The following EYS variants were observed in gnomAD, a reference collection of about 807,000 sequenced individuals.
EYS encodes protein eyes shut homolog.
A neutral mutation model predicts 282.1 loss-of-function variants in EYS; 250 were observed. That is an observed-to-expected ratio of 0.89 (90% CI 0.80 to 0.98). EYS has a LOEUF of 0.98. Ranked by LOEUF, EYS falls within the 50% of genes least tolerant of loss-of-function variation. EYS has a pLI of 0.00. For missense variants in EYS, 4,016 were observed against 3,709.0 expected (o/e 1.08, Z -2.15); for synonymous variants, 1,355 against 1,282.9 (o/e 1.06, Z -1.20).
At chr6:63,909,305 G>A (rs1297715079) in intron 35 of EYS, among the ~76,000 whole-genome samples, 4 of 152,032 alleles carry the variant, frequency 2.6e-5, no homozygotes, top group African/African-American at 4.8e-5. Flanking sequence ...TCTTCCAATT[G>A]ATCAATCTAT....
intron 32 of EYS, among the ~76,000 whole-genome samples, chr6:64,069,145 A>G (rs1480974541): frequency 6.6e-6 from 1 of 152,088 alleles, no homozygotes; most frequent in Non-Finnish European, 1.5e-5. Flanking sequence ...TGACAGCTTG[A>G]CTTTAGCCCC....
chr6:65,431,766 A>G (rs1159992307), intron 5 of EYS, among the ~76,000 whole-genome samples: 1 of 152,144 alleles, frequency 6.6e-6, no homozygotes, highest in African/African-American at 2.4e-5. Flanking sequence ...ATAAAATCAA[A>G]CTAAGTTTTA....
At chr6:65,087,187 A>G (rs1774406935) in intron 12 of EYS, among the ~76,000 whole-genome samples, 1 of 152,010 alleles carries the variant, frequency 6.6e-6, no homozygotes, top group African/African-American at 2.4e-5. Flanking sequence ...GGATATGTGA[A>G]ATGTGTTTTC....
intron 28 of EYS, among the ~76,000 whole-genome samples, chr6:64,432,009 T>C (rs971629411): frequency 2.0e-5 from 3 of 152,170 alleles, no homozygotes; most frequent in Admixed American, 6.6e-5. Flanking sequence ...TTGTAATTTA[T>C]TGCATGTCTA....
intron 14 of EYS, among the ~76,000 whole-genome samples, chr6:64,973,402 C>T (rs750241770): frequency 1.3e-5 from 2 of 151,968 alleles, no homozygotes; most frequent in African/African-American, 2.4e-5. Context: ...ATAGTCTGTG[C>T]TGTGAAGAAA....
intron 22 of EYS, among the ~76,000 whole-genome samples, chr6:64,700,519 A>G (rs1770745739): frequency 6.6e-6 from 1 of 152,048 alleles, no homozygotes. Flanking sequence ...GATTTGATAC[A>G]TGACTTTAAT....
chr6:65,087,333 T>C (rs1463699231), intron 12 of EYS, among the ~76,000 whole-genome samples: 2 of 152,154 alleles, frequency 1.3e-5, no homozygotes, highest in Non-Finnish European at 1.5e-5. Flanking sequence ...AAAATGACTA[T>C]TTTGTTTAGG....
At chr6:65,468,587 T>C (rs4710520) in intron 5 of EYS, among the ~76,000 whole-genome samples, 14,750 of 152,092 alleles carry the variant, frequency 0.097, 943 homozygotes, top group South Asian at 0.18. Context: ...CCTTTTTCAT[T>C]ATGACTCTTA....
intron 35 of EYS, among the ~76,000 whole-genome samples, chr6:63,872,207 C>T (rs987719303): frequency 6.6e-6 from 1 of 152,118 alleles, no homozygotes; most frequent in African/African-American, 2.4e-5. Flanking sequence ...TTCAGCAGCG[C>T]CCCATTATAT....
intron 11 of EYS, among the ~76,000 whole-genome samples, chr6:65,326,326 A>G (rs1446024188): frequency 6.6e-6 from 1 of 151,744 alleles, no homozygotes; most frequent in Non-Finnish European, 1.5e-5. Flanking sequence ...ATTATCTGAT[A>G]AATTTTTAAA....
intron 29 of EYS, among the ~76,000 whole-genome samples, chr6:64,307,417 G>A (rs1438368262): frequency 2.0e-5 from 3 of 152,068 alleles, no homozygotes; most frequent in African/African-American, 4.8e-5. Context: ...GAAACTGAAA[G>A]ATATTATGCT....
chr6:64,812,260 C>T (rs1764620175), intron 22 of EYS, among the ~76,000 whole-genome samples: 1 of 151,762 alleles, frequency 6.6e-6, no homozygotes, highest in South Asian at 2.1e-4. Context: ...CACACACACA[C>T]ACACACACAG....
intron 12 of EYS, among the ~76,000 whole-genome samples, chr6:65,129,899 A>T (rs1463330172): frequency 6.6e-6 from 1 of 151,960 alleles, no homozygotes; most frequent in East Asian, 1.9e-4. Context: ...AAAGCCATGA[A>T]ATTAACCCAG....
At chr6:64,699,431 GT>G (rs1381038648) in intron 22 of EYS, among the ~76,000 whole-genome samples, 7 of 151,960 alleles carry the variant, frequency 4.6e-5, no homozygotes, top group African/African-American at 7.3e-5. Flanking sequence ...CATTACACAA[GT>G]TTATCTATGT....
intron 33 of EYS, among the ~76,000 whole-genome samples, chr6:64,059,064 C>T (rs1479089606): frequency 6.6e-6 from 1 of 152,168 alleles, no homozygotes; most frequent in Admixed American, 6.5e-5. Context: ...TTTTTGTTCT[C>T]ATCATACATT....
Position 64,573,391 on chromosome 6 carries a change from C to T in EYS, c.5644+16832G>A, listed in dbSNP as rs571341859. On this transcript the variant is annotated intron_variant, in intron 26 of 42. Transcript: ENST00000503581. ...GGGCAAAGACTTCATGACTAAAACA[C>T]CAAAAACAATGACAACAAAAGCCAA... Among the ~76,000 whole-genome samples, 2 of 152,192 alleles carry T rather than the reference C, an allele frequency of 1.3e-5. 1 individual carries two copies. Among genetic ancestry groups the T allele is most frequent in the South Asian group, 4.1e-4 (2 of 4,826 alleles).
intron 22 of EYS, among the ~76,000 whole-genome samples, chr6:64,629,523 A>T (rs1180466686): frequency 6.6e-6 from 1 of 152,204 alleles, no homozygotes; most frequent in Non-Finnish European, 1.5e-5. Context: ...ATATGTCTCC[A>T]GTGACACATA....
At chr6:65,312,991 C>A (rs568042101) in intron 11 of EYS, among the ~76,000 whole-genome samples, 1 of 138,542 alleles carries the variant, frequency 7.2e-6, no homozygotes, top group Non-Finnish European at 1.7e-5. Context: ...CAGTCCTCAA[C>A]CCCCAGATGA....
chr6:65,610,020 T>A (rs962679368), intron 2 of EYS, among the ~76,000 whole-genome samples: 2 of 152,026 alleles, frequency 1.3e-5, no homozygotes, highest in African/African-American at 2.4e-5. Flanking sequence ...CGAATCAGCC[T>A]CCCTAGCAGT....
Sources: gnomAD v4.1 joint callset for allele counts (sites outside exome capture counted in the v4.1 genomes callset) on GRCh38, gnomAD v4.1.1 for gene constraint, MANE v1.5 for transcripts, NCBI Gene and HGNC (gene_info 2026-07-23, HGNC 2026-07-21) for gene names.